The following RANBP17 variants were observed in gnomAD, a reference collection of about 807,000 sequenced individuals.
RANBP17 encodes RAN binding protein 17.
A neutral mutation model predicts 141.2 loss-of-function variants in RANBP17; 158 were observed. The observed-to-expected ratio is 1.12, with a 90% CI of 0.98 to 1.28. The LOEUF is 1.28. Ranked by LOEUF, RANBP17 falls within the 50% of genes most tolerant of loss-of-function variation. The probability of loss-of-function intolerance (pLI) is 0.00; values close to 1 mark genes in which losing one functional copy is unlikely to be tolerated. For missense variants in RANBP17, 1,438 were observed against 1,290.7 expected, an observed-to-expected ratio of 1.11 and a Z score of -1.75; for synonymous variants, 430 against 450.0, an observed-to-expected ratio of 0.96 and a Z score of 0.56.
intron 1 of RANBP17, among the ~76,000 whole-genome samples, chr5:170,866,460 G>A (rs56706630): frequency 2.0e-5 from 3 of 152,136 alleles, no homozygotes; most frequent in African/African-American, 7.2e-5. Flanking sequence ...TGGGTCACGA[G>A]GTCACGAAAT....
intron 14 of RANBP17, among the ~76,000 whole-genome samples, chr5:171,051,421 A>G (rs1308617214): frequency 1.3e-5 from 2 of 152,126 alleles, no homozygotes; most frequent in Admixed American, 1.3e-4. Context: ...TGAAGATAAT[A>G]CTAATCTACT....
chr5:170,969,232 ATTC>A (rs1776813930), intron 14 of RANBP17, among the ~76,000 whole-genome samples: 1 of 151,828 alleles, frequency 6.6e-6, no homozygotes, highest in African/African-American at 2.4e-5. Flanking sequence ...CAGGTAAAAT[ATTC>A]TTTTTTAAGG....
intron 14 of RANBP17, among the ~76,000 whole-genome samples, chr5:171,055,453 G>A (rs1481928287): frequency 2.0e-5 from 3 of 152,098 alleles, no homozygotes; most frequent in Non-Finnish European, 4.4e-5. Context: ...CTCAAAATAA[G>A]ATGTATTCTT....
intron 14 of RANBP17, among the ~76,000 whole-genome samples, chr5:171,047,437 G>GTT (rs1253301251): frequency 6.8e-5 from 6 of 87,630 alleles, no homozygotes; most frequent in African/African-American, 1.0e-4. Context: ...TTTTTTTTTT[G>GTT]TTTTGTTTTT....
Position 171,029,051 on chromosome 5 carries a change from G to A in RANBP17, c.1710+60674G>A, listed in dbSNP as rs1240757414. 1.4e-5 allele frequency: 8 copies of A among 582,972 alleles called. No individual in the cohort carries two copies. The East Asian group carries it at 5.4e-4, about 39-fold the overall frequency. The allele number at this position is 582,972 out of a possible 1,614,324, so 36.1% of individuals were successfully genotyped here. ...TTTCTGGTCAGGTAAGTCATACTCA[G>A]GCATGAACTCACTCAGCATCAGTCA... On this transcript the variant is annotated intron_variant, in intron 14 of 27. Transcript: ENST00000523189.
At chr5:171,198,674 TC>T (rs1762120574) in intron 18 of RANBP17, among the ~76,000 whole-genome samples, 2 of 152,184 alleles carry the variant, frequency 1.3e-5, no homozygotes, top group Non-Finnish European at 2.9e-5. Context: ...ATGTTGATGC[TC>T]CCAGGTCAAG....
At chr5:171,237,100 G>A (rs143393305) in intron 22 of RANBP17, among the ~76,000 whole-genome samples, 26 of 152,132 alleles carry the variant, frequency 1.7e-4, no homozygotes, top group Admixed American at 1.5e-3. Context: ...AGAGTCGGTC[G>A]CAGATGAGCA....
chr5:171,196,774 C>G (rs764191658), intron 18 of RANBP17, among the ~76,000 whole-genome samples: 16 of 152,144 alleles, frequency 1.1e-4, no homozygotes, highest in Admixed American at 2.0e-4. Context: ...TTATCCAAAA[C>G]CAGACAGCTA....
intron 14 of RANBP17, among the ~76,000 whole-genome samples, chr5:171,036,015 C>G (rs771687946): frequency 1.1e-4 from 16 of 152,102 alleles, no homozygotes; most frequent in Non-Finnish European, 2.1e-4. Context: ...GCCTCAGCCT[C>G]CCAAGTAGCT....
rs1440883805 is a variant in RANBP17 at position 171,299,094 on chromosome 5, A to G, written c.*236A>G. Reference sequence around the variant, plus strand: ...GGATGTGTTTTCAGTCTTTCTATCAAATATTATCTTTGTTCTCCTAATGCT... The same window carrying G: ...GGATGTGTTTTCAGTCTTTCTATCAGATATTATCTTTGTTCTCCTAATGCT... On this transcript the variant is annotated 3_prime_UTR_variant, in exon 28 of 28. Coordinates refer to ENST00000523189, the MANE Select transcript of RANBP17 (RefSeq NM_022897.5). 4.8e-6 allele frequency: 2 copies of G among 416,274 alleles called. No homozygotes were observed. The highest frequency in any genetic ancestry group is 4.7e-5 in the South Asian group (1 of 21,176). 25.8% of individuals were successfully genotyped at this position (416,274 alleles called of 1,614,324 possible).
At chr5:171,175,321 G>A (rs994502752) in intron 16 of RANBP17, among the ~76,000 whole-genome samples, 2 of 152,082 alleles carry the variant, frequency 1.3e-5, no homozygotes, top group Admixed American at 1.3e-4. Flanking sequence ...ACCCAGTAAT[G>A]GGATTTGCTG....
intron 14 of RANBP17, among the ~76,000 whole-genome samples, chr5:171,050,492 G>A (rs77816525): frequency 0.026 from 4,018 of 151,990 alleles, 160 homozygotes; most frequent in African/African-American, 0.09. Context: ...AGACCAGTGC[G>A]GGCAGATGGC....
At chr5:171,028,701 T>C (rs1048940038) in intron 14 of RANBP17, among the ~76,000 whole-genome samples, 1 of 152,212 alleles carries the variant, frequency 6.6e-6, no homozygotes, top group African/African-American at 2.4e-5. Context: ...TTTGATACCT[T>C]GATACCTTTG....
chr5:171,189,217 G>A (rs561385728), intron 18 of RANBP17, among the ~76,000 whole-genome samples: 37 of 152,250 alleles, frequency 2.4e-4, no homozygotes, highest in South Asian at 1.0e-3. Context: ...TAAAATCATA[G>A]TAGCTACCCT....
intron 13 of RANBP17, among the ~76,000 whole-genome samples, chr5:170,968,019 A>G (rs1776712882): frequency 6.6e-6 from 1 of 151,950 alleles, no homozygotes; most frequent in South Asian, 2.1e-4. Flanking sequence ...ATATGCATGT[A>G]TGTGTATGTC....
intron 16 of RANBP17, among the ~76,000 whole-genome samples, chr5:171,177,397 C>G (rs1007426490): frequency 1.3e-5 from 2 of 152,138 alleles, no homozygotes; most frequent in African/African-American, 4.8e-5. Context: ...CTTCTTAGGT[C>G]AAGCAAAAGT....
chr5:170,939,402 T>TATTG (rs1774148152), intron 12 of RANBP17, among the ~76,000 whole-genome samples: 1 of 149,030 alleles, frequency 6.7e-6, no homozygotes, highest in African/African-American at 2.5e-5. Context: ...TTTATTTATT[T>TATTG]AAGATGCAGT....
chr5:170,863,112 C>T (rs1766960362), intron 1 of RANBP17, among the ~76,000 whole-genome samples: 1 of 152,122 alleles, frequency 6.6e-6, no homozygotes, highest in African/African-American at 2.4e-5. Context: ...TCTCAGGGAA[C>T]TTGCAGTCTA....
At chr5:171,006,001 AT>A (rs1463687067) in intron 14 of RANBP17, among the ~76,000 whole-genome samples, 1 of 152,238 alleles carries the variant, frequency 6.6e-6, no homozygotes, top group Non-Finnish European at 1.5e-5. Context: ...AAAAATGCTC[AT>A]CATCACTGGC....
Sources: gnomAD v4.1 joint callset for allele counts (sites outside exome capture counted in the v4.1 genomes callset) on GRCh38, gnomAD v4.1.1 for gene constraint, MANE v1.5 for transcripts, NCBI Gene and HGNC (gene_info 2026-07-23, HGNC 2026-07-21) for gene names.